Variants in ERC2 observed in about 807,000 individuals in gnomAD.
ERC2 encodes the protein ELKS/RAB6-interacting/CAST family member 2, also known as ERC protein 2.
A neutral mutation model predicts 114.8 loss-of-function variants in ERC2; 42 were observed. The observed-to-expected ratio is 0.37, with a 90% CI of 0.29 to 0.47. The LOEUF is 0.47. ERC2 is among the 20% of genes least tolerant of loss of function. The probability of loss-of-function intolerance (pLI) is 0.99; values close to 1 mark genes in which losing one functional copy is unlikely to be tolerated. For synonymous variants in ERC2, 454 were observed against 425.5 expected (o/e 1.07, Z -0.82); for missense variants, 939 against 1,150.7 (o/e 0.82, Z 2.66).
In ERC2 at chr3:55,510,666, C is replaced by T. The variant is rs1024182082; in HGVS notation, c.*650G>A. Reference sequence around the variant, plus strand: ...GACTACTGGTTACACCCTCAAAATGCGGTTCTTCAAACAACAGATTAAAGA... The same window carrying T: ...GACTACTGGTTACACCCTCAAAATGTGGTTCTTCAAACAACAGATTAAAGA... On this transcript the variant is annotated 3_prime_UTR_variant, in exon 18 of 18. Transcript: ENST00000288221. 25 of 152,696 alleles carry T rather than the reference C, an allele frequency of 1.6e-4. No homozygotes were observed. Among genetic ancestry groups the T allele is most frequent in the African/African-American group, 5.3e-4 (22 of 41,546 alleles). 9.5% of individuals were successfully genotyped at this position (152,696 alleles called of 1,614,324 possible).
chr3:55,653,419 A>T (rs1213682094), intron 17 of ERC2, among the ~76,000 whole-genome samples: 2 of 152,222 alleles, frequency 1.3e-5, no homozygotes, highest in East Asian at 3.8e-4. Flanking sequence ...CACCTCAAAA[A>T]TTTTAACAAA....
intron 11 of ERC2, among the ~76,000 whole-genome samples, chr3:55,989,451 G>A (rs748075156): frequency 2.5e-4 from 38 of 152,312 alleles, no homozygotes; most frequent in African/African-American, 7.0e-4. Context: ...CCATCTAAGC[G>A]TGAAGCACAT....
rs58749389 is a variant in ERC2 at position 55,539,415 on chromosome 3, C to CTTTTTTTTT, written c.*40-28148_*40-28140dup. ...TCTCTCTCTCTCTCTTTTTTTCTTT[C>CTTTTTTTTT]TTTTTTTTTTTTTTTTTTTTTTTTT... On this transcript the variant is annotated intron_variant, in intron 17 of 17. Transcript: ENST00000288221. Among the ~76,000 whole-genome samples, 61 of 39,114 alleles carry CTTTTTTTTT rather than the reference C, an allele frequency of 1.6e-3. 5 individuals are homozygous for CTTTTTTTTT. Among genetic ancestry groups the CTTTTTTTTT allele is most frequent in the African/African-American group, 2.6e-3 (30 of 11,526 alleles). 25.7% of individuals were successfully genotyped at this position (39,114 alleles called of 152,430 possible).
intron 16 of ERC2, among the ~76,000 whole-genome samples, chr3:55,685,716 C>T (rs1188870055): frequency 1.3e-5 from 2 of 152,208 alleles, no homozygotes; most frequent in South Asian, 2.1e-4. Context: ...CCCCCAGAAT[C>T]GCTGCTGTAG....
chr3:55,733,074 ATGGTATATTCGAGCTCAAGGGC>A (rs371883864), intron 15 of ERC2, among the ~76,000 whole-genome samples: 52 of 152,272 alleles, frequency 3.4e-4, no homozygotes, highest in Admixed American at 2.4e-3. Flanking sequence ...CCACAAGTGC[ATGGTATATTCGAGCTCAAGGGC>A]TGTTTCTTAG....
intron 12 of ERC2, among the ~76,000 whole-genome samples, chr3:55,970,151 A>G (rs942048378): frequency 1.3e-5 from 2 of 152,192 alleles, no homozygotes; most frequent in East Asian, 3.8e-4. Flanking sequence ...TCATTGAACC[A>G]TCAAAAAAGC....
rs72868687 is a variant in ERC2 at position 55,532,908 on chromosome 3, C to T, written c.*40-21632G>A. Among the ~76,000 whole-genome samples, 967 of 152,340 alleles carry T rather than the reference C, an allele frequency of 6.3e-3. 11 individuals carry two copies. Among genetic ancestry groups the T allele is most frequent in the African/African-American group, 0.022 (918 of 41,570 alleles). On this transcript the variant is annotated intron_variant, in intron 17 of 17. Transcript: ENST00000288221. ...TAGCAGCAACTGAGAAAGACAAGGT[C>T]CCTGGCTCTCACAGGGCTTTCAACG...
intron 13 of ERC2, among the ~76,000 whole-genome samples, chr3:55,918,576 A>G (rs1296308629): frequency 6.6e-6 from 1 of 151,910 alleles, no homozygotes; most frequent in Non-Finnish European, 1.5e-5. Context: ...AGACCAATAG[A>G]ATGTGGTGGA....
chr3:56,214,593 C>T (rs2049321127), intron 3 of ERC2, among the ~76,000 whole-genome samples: 1 of 151,966 alleles, frequency 6.6e-6, no homozygotes, highest in African/African-American at 2.4e-5. Flanking sequence ...AGGAGAACTT[C>T]CCCAATCTAG....
At chr3:55,528,986 C>A (rs2053507596) in intron 17 of ERC2, among the ~76,000 whole-genome samples, 1 of 152,158 alleles carries the variant, frequency 6.6e-6, no homozygotes, top group South Asian at 2.1e-4. Context: ...CTCAGAGAGG[C>A]TAAATCCAAG....
At chr3:55,621,405 G>A (rs555014247) in intron 17 of ERC2, among the ~76,000 whole-genome samples, 25 of 152,272 alleles carry the variant, frequency 1.6e-4, no homozygotes, top group African/African-American at 6.0e-4. Context: ...AAGAAAGAAC[G>A]GGACATATTT....
intron 6 of ERC2, among the ~76,000 whole-genome samples, chr3:56,123,444 A>AG (rs951070832): frequency 2.6e-5 from 4 of 151,940 alleles, no homozygotes; most frequent in African/African-American, 4.8e-5. Context: ...CAAAACTGTG[A>AG]GGAAAAAAAA....
At chr3:55,811,848 A>C (rs1046134824) in intron 14 of ERC2, among the ~76,000 whole-genome samples, 2 of 152,162 alleles carry the variant, frequency 1.3e-5, no homozygotes, top group Admixed American at 1.3e-4. Context: ...GTCTTTTTTA[A>C]ATTTAATGTT....
At chr3:56,313,465 C>T (rs566406917) in intron 2 of ERC2, among the ~76,000 whole-genome samples, 2 of 152,230 alleles carry the variant, frequency 1.3e-5, no homozygotes, top group East Asian at 3.9e-4. Context: ...AACTTATTTA[C>T]TCATCATCGC....
At chr3:56,341,194 G>C (rs1253117159) in intron 2 of ERC2, among the ~76,000 whole-genome samples, 4 of 152,162 alleles carry the variant, frequency 2.6e-5, no homozygotes, top group Non-Finnish European at 4.4e-5. Flanking sequence ...TATTATTGGA[G>C]ACTGTCTCCT....
chr3:55,639,100 T>A (rs2060073274), intron 17 of ERC2, among the ~76,000 whole-genome samples: 2 of 152,190 alleles, frequency 1.3e-5, no homozygotes, highest in African/African-American at 4.8e-5. Flanking sequence ...TCTGCATATG[T>A]GCATAGAGGT....
intron 13 of ERC2, among the ~76,000 whole-genome samples, chr3:55,940,010 CAG>C (rs1245431980): frequency 2.0e-5 from 3 of 152,230 alleles, no homozygotes; most frequent in Non-Finnish European, 4.4e-5. Context: ...AGATGGAAAA[CAG>C]AGTTCTTAGA....
chr3:56,355,655 C>T (rs1261400778), intron 2 of ERC2, among the ~76,000 whole-genome samples: 2 of 152,116 alleles, frequency 1.3e-5, no homozygotes, highest in African/African-American at 2.4e-5. Context: ...ATATTCCAGA[C>T]GATGAGTCAG....
chr3:56,249,386 T>C (rs989683918), intron 3 of ERC2, among the ~76,000 whole-genome samples: 23 of 151,586 alleles, frequency 1.5e-4, no homozygotes, highest in African/African-American at 2.2e-4. Context: ...AGTGCAGTGG[T>C]GCAATCTCAG....
Sources: gnomAD v4.1 joint callset for allele counts (sites outside exome capture counted in the v4.1 genomes callset) on GRCh38, gnomAD v4.1.1 for gene constraint, MANE v1.5 for transcripts, NCBI Gene and HGNC (gene_info 2026-07-23, HGNC 2026-07-21) for gene names.